ZNF609: variants seen among roughly 807,000 people sequenced by gnomAD.
ZNF609 encodes the protein zinc finger protein 609.
In ZNF609, 11 loss-of-function variants were observed where a neutral mutation model predicts 109.5. That is an observed-to-expected ratio of 0.10 (90% CI 0.06 to 0.17). The LOEUF is 0.17. Ranked by LOEUF, ZNF609 falls within the 10% of genes least tolerant of loss-of-function variation. ZNF609 has a pLI of 1.00. For synonymous variants in ZNF609, 646 were observed against 662.0 expected, an observed-to-expected ratio of 0.98 and a Z score of 0.37; for missense variants, 1,559 against 1,772.4, an observed-to-expected ratio of 0.88 and a Z score of 2.16.
chr15:64,667,717 AAAAAAG>A (rs567874007), intron 3 of ZNF609, among the ~76,000 whole-genome samples: 10 of 152,146 alleles, frequency 6.6e-5, no homozygotes, highest in South Asian at 2.1e-4. Context: ...TGTCTCAAAA[AAAAAAG>A]AAAAAGAAAA....
chr15:64,627,754 A>G (rs1373057764), intron 3 of ZNF609, among the ~76,000 whole-genome samples: 1 of 140,524 alleles, frequency 7.1e-6, no homozygotes, highest in Non-Finnish European at 1.5e-5. Context: ...TGCAGCCTCA[A>G]ACTCTTGAGC....
intron 2 of ZNF609, among the ~76,000 whole-genome samples, chr15:64,584,034 T>C (rs1487831184): frequency 6.6e-6 from 1 of 152,230 alleles, no homozygotes; most frequent in African/African-American, 2.4e-5. Flanking sequence ...TGCTATTCTC[T>C]TCTCTCTTGC....
intron 2 of ZNF609, among the ~76,000 whole-genome samples, chr15:64,580,056 A>G (rs751234220): frequency 2.0e-5 from 3 of 152,200 alleles, no homozygotes; most frequent in Non-Finnish European, 2.9e-5. Flanking sequence ...AGATTATCCA[A>G]TGGTTCCAAT....
intron 3 of ZNF609, among the ~76,000 whole-genome samples, chr15:64,624,874 C>T (rs1321670849): frequency 6.6e-6 from 1 of 151,234 alleles, no homozygotes; most frequent in African/African-American, 2.4e-5. Flanking sequence ...ATTCTTCTCT[C>T]TCAGCCTCCT....
At chr15:64,595,002 A>C (rs1168148722) in intron 2 of ZNF609, among the ~76,000 whole-genome samples, 1 of 126,912 alleles carries the variant, frequency 7.9e-6, no homozygotes, top group African/African-American at 3.5e-5. Flanking sequence ...GCTCCGTCTC[A>C]AAAAAAAAAA....
intron 3 of ZNF609, chr15:64,643,873 A>T (rs746253651): frequency 4.6e-5 from 7 of 152,188 alleles, no homozygotes; most frequent in Non-Finnish European, 7.3e-5. Flanking sequence ...AGGCAAGAGG[A>T]TCACTTGAAC....
chr15:64,570,197 A>G (rs1894839598), intron 2 of ZNF609, among the ~76,000 whole-genome samples: 1 of 152,228 alleles, frequency 6.6e-6, no homozygotes, highest in African/African-American at 2.4e-5. Context: ...ATACATGAGC[A>G]TAGTGAGTTT....
intron 1 of ZNF609, among the ~76,000 whole-genome samples, chr15:64,469,240 G>C (rs1459606460): frequency 6.6e-6 from 1 of 151,522 alleles, no homozygotes; most frequent in Non-Finnish European, 1.5e-5. Flanking sequence ...TCCAGCCTGG[G>C]CAACAAGAGA....
intron 2 of ZNF609, among the ~76,000 whole-genome samples, chr15:64,524,013 T>G (rs949718694): frequency 2.8e-4 from 41 of 145,814 alleles, no homozygotes; most frequent in Non-Finnish European, 4.1e-4. Context: ...GTTATACGGG[T>G]TTTTTTTTTT....
intron 3 of ZNF609, among the ~76,000 whole-genome samples, chr15:64,624,496 T>C (rs1301474338): frequency 1.3e-5 from 2 of 151,934 alleles, no homozygotes; most frequent in African/African-American, 4.8e-5. Flanking sequence ...CCTGCCTGTT[T>C]GTTCTGCTTG....
At chr15:64,552,866 C>G (rs1032000241) in intron 2 of ZNF609, among the ~76,000 whole-genome samples, 3 of 152,124 alleles carry the variant, frequency 2.0e-5, no homozygotes, top group African/African-American at 4.8e-5. Context: ...AGGCAGGTCT[C>G]AAACTCCTGG....
chr15:64,463,799 A>T (rs750666638), intron 1 of ZNF609, among the ~76,000 whole-genome samples: 1 of 152,028 alleles, frequency 6.6e-6, no homozygotes, highest in Non-Finnish European at 1.5e-5. Context: ...ACTATTTCCA[A>T]CTCTGTGTCC....
At chr15:64,607,054 G>C (rs552473236) in intron 2 of ZNF609, among the ~76,000 whole-genome samples, 2 of 152,146 alleles carry the variant, frequency 1.3e-5, no homozygotes, top group Non-Finnish European at 2.9e-5. Flanking sequence ...TGAGGCAGGA[G>C]AATCGCTTGA....
rs892090922 is a variant in ZNF609 at position 64,682,887 on chromosome 15, T to C, written c.*1201T>C. ...AAGCTGTGTTTCTTGGTAACACATATTTTGTTTGAGGGGCCACTGGCCATG... is the reference window on the plus strand; with the variant it reads ...AAGCTGTGTTTCTTGGTAACACATACTTTGTTTGAGGGGCCACTGGCCATG... On this transcript the variant is annotated 3_prime_UTR_variant, in exon 10 of 10. Transcript: ENST00000326648. The C allele has an allele frequency of 6.6e-6, 1 of 152,640 alleles. No individual in the cohort carries two copies. The highest frequency in any genetic ancestry group is 2.4e-5 in the African/African-American group (1 of 41,440). 9.5% of individuals were successfully genotyped at this position (152,640 alleles called of 1,614,324 possible).
chr15:64,650,449 G>A (rs1000897627), intron 3 of ZNF609, among the ~76,000 whole-genome samples: 1 of 151,226 alleles, frequency 6.6e-6, no homozygotes, highest in African/African-American at 2.4e-5. Context: ...AAAAAAATAG[G>A]TAAAGTAAAT....
chr15:64,529,503 G>A, intron 2 of ZNF609: 1 of 1,133,714 alleles, frequency 8.8e-7, no homozygotes, highest in Admixed American at 1.7e-5. Flanking sequence ...CGGTGCCATG[G>A]AATTTGCCAT....
intron 1 of ZNF609, among the ~76,000 whole-genome samples, chr15:64,497,701 G>A (rs1322578287): frequency 3.3e-5 from 5 of 151,970 alleles, no homozygotes; most frequent in Admixed American, 6.6e-5. Context: ...CCAGGAGGTT[G>A]AGACCAGCCT....
At position 64,658,844 on chromosome 15, in the gene ZNF609, A is replaced by G. The variant is rs536463760; in HGVS notation, c.974-11502A>G. 4.6e-5 allele frequency among the ~76,000 whole-genome samples: 7 copies of G among 152,202 alleles called. No individual in the cohort carries two copies. In the South Asian group the frequency reaches 1.2e-3, roughly 27 times the overall value. ...CAAAGAACTTTTGTTTTTATAGATT[A>G]TATCTATTGATATCTACCATTTAGG... On this transcript the variant is annotated intron_variant, in intron 3 of 9. Transcript: ENST00000326648.
intron 2 of ZNF609, among the ~76,000 whole-genome samples, chr15:64,611,937 A>G (rs1309880271): frequency 1.3e-5 from 2 of 149,556 alleles, no homozygotes; most frequent in African/African-American, 4.9e-5. Context: ...GGGTTTCACT[A>G]TGTTGGCCAG....
Sources: gnomAD v4.1 joint callset for allele counts (sites outside exome capture counted in the v4.1 genomes callset) on GRCh38, gnomAD v4.1.1 for gene constraint, MANE v1.5 for transcripts, NCBI Gene and HGNC (gene_info 2026-07-23, HGNC 2026-07-21) for gene names.